Variants in TMEM221 observed in about 807,000 individuals in gnomAD.
TMEM221 encodes transmembrane protein 221, also known as Putative transmembrane protein ENSP00000342162.
A neutral mutation model predicts 10.2 loss-of-function variants in TMEM221; 11 were observed. The observed-to-expected ratio is 1.08, with a 90% CI of 0.68 to 1.79. The LOEUF is 1.79. Among genes scored for constraint, TMEM221 ranks in the 40% most tolerant of loss-of-function variants. The pLI is 0.00. For synonymous variants in TMEM221, 172 were observed against 199.8 expected (o/e 0.86, Z 1.18); for missense variants, 382 against 417.7 (o/e 0.91, Z 0.75).
chr19:17,446,820 C>T (rs537519775), intron 1 of TMEM221, among the ~76,000 whole-genome samples: 3 of 152,230 alleles, frequency 2.0e-5, no homozygotes, highest in African/African-American at 7.2e-5. Context: ...CAGCCTTGAC[C>T]TCCTGGGCTC....
At position 17,448,107 on chromosome 19, in the gene TMEM221, G is replaced by T; in HGVS notation, c.320+36C>A. ...CTCAACCAGGCTCACCCAGCCCCCAGCCGGGCCTCCGAGGCGGTGAGGCCA... is the reference window on the plus strand; with the variant it reads ...CTCAACCAGGCTCACCCAGCCCCCATCCGGGCCTCCGAGGCGGTGAGGCCA... On this transcript the variant is annotated intron_variant, in intron 1 of 2. Coordinates refer to ENST00000341130, the MANE Select transcript of TMEM221 (RefSeq NM_001190844.2). This position sits in a 1 kb window ranked among gnomAD's most constrained non-coding sequence, Gnocchi z 4.7. The T allele has an allele frequency of 7.6e-7, 1 of 1,318,516 alleles. No individual in the cohort carries two copies. Among genetic ancestry groups the T allele is most frequent in the Non-Finnish European group, 9.7e-7 (1 of 1,034,162 alleles). 81.7% of individuals were successfully genotyped at this position (1,318,516 alleles called of 1,614,324 possible).
chr19:17,440,388 G>A (rs574293651), intron 2 of TMEM221, among the ~76,000 whole-genome samples: 3 of 151,920 alleles, frequency 2.0e-5, no homozygotes, highest in South Asian at 2.1e-4. Context: ...CACCACACCC[G>A]GCTAATTTTT....
intron 2 of TMEM221, among the ~76,000 whole-genome samples, chr19:17,443,909 T>C (rs1252312106): frequency 6.6e-6 from 1 of 151,816 alleles, no homozygotes; most frequent in Admixed American, 6.6e-5. Flanking sequence ...TGAAAGAAAG[T>C]TGATTGAAGA....
chr19:17,438,149 T>C (rs956400351), intron 2 of TMEM221, among the ~76,000 whole-genome samples: 6 of 150,546 alleles, frequency 4.0e-5, no homozygotes, highest in Non-Finnish European at 4.4e-5. Context: ...AGCACAGTGG[T>C]GTGACCTCTG....
intron 1 of TMEM221, among the ~76,000 whole-genome samples, chr19:17,447,490 G>A (rs2144506877): frequency 6.6e-6 from 1 of 152,286 alleles, no homozygotes; most frequent in South Asian, 2.1e-4. Context: ...TGGGTGGAAG[G>A]TGCATGGTCT....
rs1325324227 is a variant in TMEM221, at chr19:17,448,161, C to T, written c.302G>A (p.Arg101Gln). The stretch of plus-strand genomic sequence containing the variant: ...CTCCTACCTCCTGGGGCCAGGCCCC[C>T]GCGCCAGCTCGGCGCCCAGGTGGCC... ...LCGHLGAELA[R>Q]GPGPRRSDWF... The change falls in exon 1 of 3, where the codon CGG (arginine) becomes CAG (glutamine). Residue 101 changes from arginine to glutamine, a missense_variant. Arg to Gln is a conservative substitution (Grantham distance 43). Coordinates refer to ENST00000341130, the MANE Select transcript of TMEM221 (RefSeq NM_001190844.2). This position sits in a 1 kb window ranked among gnomAD's most constrained non-coding sequence, Gnocchi z 4.7. 13 of 1,422,816 alleles carry T rather than the reference C, an allele frequency of 9.1e-6. No homozygotes were observed. Among genetic ancestry groups the T allele is most frequent in the African/African-American group, 9.0e-5 (6 of 66,910 alleles). 88.1% of individuals were successfully genotyped at this position (1,422,816 alleles called of 1,614,324 possible). A position where few individuals can be genotyped will look rare whatever the true frequency, so the allele number is the denominator to read the frequency against.
intron 2 of TMEM221, among the ~76,000 whole-genome samples, chr19:17,442,475 T>C (rs1444885692): frequency 1.3e-5 from 2 of 150,554 alleles, no homozygotes; most frequent in Non-Finnish European, 3.0e-5. Flanking sequence ...CATCTCACTC[T>C]GTCGCCCAGG....
Position 17,448,497 on chromosome 19 carries a change from G to T in TMEM221, c.-35C>A. The T allele has an allele frequency of 7.0e-7, 1 of 1,436,420 alleles. No individual in the cohort carries two copies. Among genetic ancestry groups the T allele is most frequent in the South Asian group, 1.3e-5 (1 of 74,308 alleles). 89.0% of individuals were successfully genotyped at this position (1,436,420 alleles called of 1,614,324 possible). A position where few individuals can be genotyped will look rare whatever the true frequency, so the allele number is the denominator to read the frequency against. On this transcript the variant is annotated 5_prime_UTR_variant, in exon 1 of 3. Coordinates refer to ENST00000341130, the MANE Select transcript of TMEM221 (RefSeq NM_001190844.2). The surrounding 1 kb of genome is among the most constrained non-coding windows in gnomAD (Gnocchi z 4.7). ...TCCTGCGGGCCGGGGGAAGAGTTGA[G>T]GAATTGAAGTGGTTTTAGAGGGCAG...
At position 17,439,759 on chromosome 19, in the gene TMEM221, T is replaced by G. The variant is rs866878339; in HGVS notation, c.407-2832A>C. 5.3e-4 allele frequency among the ~76,000 whole-genome samples: 80 copies of G among 150,810 alleles called. 1 individual carries two copies. Among genetic ancestry groups the G allele is most frequent in the Middle Eastern group, 3.5e-3 (1 of 288 alleles). ...ACAGTAGATTAGTGGCTTCCAGGGATGAGGAAGGGGCAATGGGGAGTGATT... is the reference window on the plus strand; with the variant it reads ...ACAGTAGATTAGTGGCTTCCAGGGAGGAGGAAGGGGCAATGGGGAGTGATT... On this transcript the variant is annotated intron_variant, in intron 2 of 2. Transcript: ENST00000341130.
At position 17,436,451 on chromosome 19, in the gene TMEM221, C is replaced by T. The variant is rs1253483175; in HGVS notation, c.*7G>A. ...TTACACCAGGTCTCTATTCCTCATCCCTGGGCTCACACCAGTGTGGAGTCC... is the reference window on the plus strand; with the variant it reads ...TTACACCAGGTCTCTATTCCTCATCTCTGGGCTCACACCAGTGTGGAGTCC... On this transcript the variant is annotated 3_prime_UTR_variant, in exon 3 of 3. Coordinates refer to ENST00000341130, the MANE Select transcript of TMEM221 (RefSeq NM_001190844.2). The T allele has an allele frequency of 1.3e-6, 2 of 1,499,732 alleles. No individual in the cohort carries two copies. Among genetic ancestry groups the T allele is most frequent in the Admixed American group, 2.0e-5 (1 of 49,364 alleles). 92.9% of individuals were successfully genotyped at this position (1,499,732 alleles called of 1,614,324 possible). A position where few individuals can be genotyped will look rare whatever the true frequency, so the allele number is the denominator to read the frequency against.
At position 17,440,168 on chromosome 19, in the gene TMEM221, C is replaced by T. The variant is rs182762836; in HGVS notation, c.407-3241G>A. Among the ~76,000 whole-genome samples, 20 of 151,390 alleles carry T rather than the reference C, an allele frequency of 1.3e-4. No homozygotes were observed. In the East Asian group the frequency reaches 3.9e-3, roughly 29 times the overall value. Reference sequence around the variant, plus strand: ...CACCACTGCACTCCAGCCTGGGTGACACAGCGAGACCCTGTCTCAAAAAAT... The same window carrying T: ...CACCACTGCACTCCAGCCTGGGTGATACAGCGAGACCCTGTCTCAAAAAAT... On this transcript the variant is annotated intron_variant, in intron 2 of 2. Coordinates refer to ENST00000341130, the MANE Select transcript of TMEM221 (RefSeq NM_001190844.2).
At chr19:17,442,867 G>C (rs571618976) in intron 2 of TMEM221, among the ~76,000 whole-genome samples, 2 of 151,944 alleles carry the variant, frequency 1.3e-5, no homozygotes, top group African/African-American at 2.4e-5. Context: ...ACTACTTCTG[G>C]AGCATTTCAT....
chr19:17,436,827 G>GT lies in TMEM221; in HGVS notation c.506_507insA (p.His170ProfsTer16). On this transcript the variant is annotated frameshift_variant, in exon 3 of 3. Coordinates refer to ENST00000341130, the MANE Select transcript of TMEM221 (RefSeq NM_001190844.2). LOFTEE classifies it low-confidence loss of function (END_TRUNC). ...CCCGGGCAGCCCGGAGGAGAGTGTG[G>GT]GTCAGCACAGCCACCAGAACCAGGG... is the stretch of plus-strand genomic sequence containing the variant. The GT allele has an allele frequency of 6.7e-7, 1 of 1,488,160 alleles. No individual in the cohort carries two copies. 92.2% of individuals were successfully genotyped at this position (1,488,160 alleles called of 1,614,324 possible). A position where few individuals can be genotyped will look rare whatever the true frequency, so the allele number is the denominator to read the frequency against.
chr19:17,447,740 G>T (rs930048099), intron 1 of TMEM221, among the ~76,000 whole-genome samples: 2 of 152,154 alleles, frequency 1.3e-5, no homozygotes, highest in Admixed American at 1.3e-4. Flanking sequence ...TTTCAGACCA[G>T]GACACAGGCT....
chr19:17,447,489 G>A (rs577648288), intron 1 of TMEM221, among the ~76,000 whole-genome samples: 1 of 152,246 alleles, frequency 6.6e-6, no homozygotes, highest in South Asian at 2.1e-4. Context: ...TTGGGTGGAA[G>A]GTGCATGGTC....
At chr19:17,439,390 A>C (rs1459669819) in intron 2 of TMEM221, among the ~76,000 whole-genome samples, 1 of 151,904 alleles carries the variant, frequency 6.6e-6, no homozygotes, top group Non-Finnish European at 1.5e-5. Context: ...TGAAATGTCC[A>C]GAACAGGCAA....
At chr19:17,440,505 G>A (rs371055770) in intron 2 of TMEM221, among the ~76,000 whole-genome samples, 84 of 152,252 alleles carry the variant, frequency 5.5e-4, no homozygotes, top group African/African-American at 1.7e-3. Flanking sequence ...GATTACAGGC[G>A]TGAGCCACCG....
intron 1 of TMEM221, among the ~76,000 whole-genome samples, 162 bp from the exon 2 acceptor site, chr19:17,445,446 C>G (rs1273666792): frequency 6.6e-6 from 1 of 152,148 alleles, no homozygotes; most frequent in East Asian, 1.9e-4. Context: ...TCTACTTGCC[C>G]ACCCATTTAC....
intron 2 of TMEM221, among the ~76,000 whole-genome samples, chr19:17,443,218 T>G (rs1324665274): frequency 1.3e-5 from 2 of 151,352 alleles, no homozygotes; most frequent in Non-Finnish European, 2.9e-5. Flanking sequence ...GAGGCGGAGC[T>G]TGCAGTGAGC....
Sources: gnomAD v4.1 joint callset for allele counts (sites outside exome capture counted in the v4.1 genomes callset) on GRCh38, gnomAD v4.1.1 for gene constraint, Gnocchi (gnomAD v3.1) non-coding constraint, MANE v1.5 for transcripts, NCBI Gene and HGNC (gene_info 2026-07-23, HGNC 2026-07-21) for gene names.